PSMC5: variants seen among roughly 807,000 people sequenced by gnomAD.
PSMC5 encodes proteasome 26S subunit, ATPase 5, also known as 26S proteasome regulatory subunit 8.
PSMC5 carries 11 observed loss-of-function variants against 49.1 expected under a neutral mutation model. The observed-to-expected ratio is 0.22, with a 90% CI of 0.14 to 0.37. PSMC5 has a LOEUF of 0.37. PSMC5 is among the 10% of genes least tolerant of loss of function. PSMC5 has a pLI of 1.00. For synonymous variants in PSMC5, 206 were observed against 192.2 expected (o/e 1.07, Z -0.59); for missense variants, 229 against 520.9 (o/e 0.44, Z 5.45).
rs769692807 is a variant in PSMC5, at chr17:63,831,018, A to T, written c.680-18A>T. 2.2e-5 allele frequency: 35 copies of T among 1,592,026 alleles called. No individual in the cohort carries two copies. Among genetic ancestry groups the T allele is most frequent in the Non-Finnish European group, 2.8e-5 (33 of 1,167,252 alleles). On this transcript the variant is annotated intron_variant, in intron 7 of 11. Transcript: ENST00000310144. This position sits in a 1 kb window ranked among gnomAD's most constrained non-coding sequence, Gnocchi z 6.3. ...ATAAGCTAATAAGCTCCCTAACACCAGCTCGGCCTCCACACAGGGGCAAGA... is the reference window on the plus strand; with the variant it reads ...ATAAGCTAATAAGCTCCCTAACACCTGCTCGGCCTCCACACAGGGGCAAGA...
intron 3 of PSMC5, 82 bp downstream of exon 3, chr17:63,829,645 C>A: frequency 7.2e-7 from 1 of 1,398,362 alleles, no homozygotes; most frequent in South Asian, 1.2e-5. Flanking sequence ...GTCTTCACAG[C>A]AGTGCTTACT....
chr17:63,828,350 G>C (rs1194930162), intron 2 of PSMC5, 141 bp downstream of exon 2: 1 of 767,784 alleles, frequency 1.3e-6, no homozygotes, highest in Non-Finnish European at 2.1e-6. Flanking sequence ...TAGCTAGTAG[G>C]GTGTATGTAT....
At position 63,828,149 on chromosome 17, in the gene PSMC5, G is replaced by A. The variant is rs367952890; in HGVS notation, c.36G>A (p.Glu12=). Reference sequence around the variant, plus strand: ...CTCTGTGTCTTCAGATGGAGCTGGAGGAGGGGAAGGCAGGCAGCGGACTCC... The same window carrying A: ...CTCTGTGTCTTCAGATGGAGCTGGAAGAGGGGAAGGCAGGCAGCGGACTCC... ...ALDGPEQMEL[E]EGKAGSGLRQ... Residue 12 remains glutamate (E), a synonymous_variant, in exon 2 of 12, where the codon GAG becomes GAA. Transcript: ENST00000310144. 42 of 1,614,072 alleles carry A rather than the reference G, an allele frequency of 2.6e-5. No homozygotes were observed. The highest frequency in any genetic ancestry group is 3.4e-5 in the Non-Finnish European group (40 of 1,180,036).
intron 1 of PSMC5, chr17:63,827,842 G>A: frequency 7.0e-7 from 1 of 1,430,584 alleles, no homozygotes; most frequent in South Asian, 1.5e-5. Flanking sequence ...TGACACCTCG[G>A]GCTTGTAGAG....
Position 63,829,480 on chromosome 17 carries a change from CTT to C in PSMC5, c.97-13_97-12del, listed in dbSNP as rs1567756984. 5.2e-6 allele frequency: 8 copies of C among 1,552,270 alleles called. No individual in the cohort carries two copies. The highest frequency in any genetic ancestry group is 1.2e-5 in the South Asian group (1 of 84,106). On this transcript the variant is annotated splice_polypyrimidine_tract_variant and intron_variant, in intron 2 of 11. Coordinates refer to ENST00000310144, the MANE Select transcript of PSMC5 (RefSeq NM_002805.6). Reference sequence around the variant, plus strand: ...TGCCCTTGAATAATGGAATTTGTCTCTTGTCTGCCACAGCTGATTGTGAATGA... The same window carrying C: ...TGCCCTTGAATAATGGAATTTGTCTCGTCTGCCACAGCTGATTGTGAATGA...
rs767674770 is a variant in PSMC5 at position 63,829,478 on chromosome 17, C to T, written c.97-16C>T. 4.5e-6 allele frequency: 7 copies of T among 1,552,182 alleles called. No homozygotes were observed. The highest frequency in any genetic ancestry group is 1.2e-5 in the South Asian group (1 of 84,062). On this transcript the variant is annotated splice_polypyrimidine_tract_variant and intron_variant, in intron 2 of 11. Coordinates refer to ENST00000310144, the MANE Select transcript of PSMC5 (RefSeq NM_002805.6). ...CCTGCCCTTGAATAATGGAATTTGT[C>T]TCTTGTCTGCCACAGCTGATTGTGA...
rs114170398 is a variant in PSMC5 at position 63,831,687 on chromosome 17, C to G, written c.1081-37C>G. On this transcript the variant is annotated intron_variant, in intron 10 of 11. Coordinates refer to ENST00000310144, the MANE Select transcript of PSMC5 (RefSeq NM_002805.6). The surrounding 1 kb of genome is among the most constrained non-coding windows in gnomAD (Gnocchi z 6.3). ...GGGCTCAAGGGCCACAGATGAGGGG[C>G]ACAGCAGTGGGGCCTCAATTTCCTT... is the stretch of plus-strand genomic sequence containing the variant. 1.4e-3 allele frequency: 2,328 copies of G among 1,613,510 alleles called. 37 individuals carry two copies. The African/African-American group carries it at 0.028, about 19-fold the overall frequency.
Position 63,830,178 on chromosome 17 carries a change from G to C in PSMC5, c.310G>C (p.Asp104His), listed in dbSNP as rs1199352033. Residue 104 changes from aspartate to histidine, a missense_variant, in exon 5 of 12, where the codon GAC becomes CAC. Coordinates refer to ENST00000310144, the MANE Select transcript of PSMC5 (RefSeq NM_002805.6). This position sits in a 1 kb window ranked among gnomAD's most constrained non-coding sequence, Gnocchi z 4.0. ...KFVVDVDKNIDINDVTPNCRV... is the reference protein window; with the variant it reads ...KFVVDVDKNIHINDVTPNCRV... ...TGTTGTAGACGTGGACAAAAACATT[G>C]ACATCAATGATGTGAGTGTAGCAGG... 6.2e-7 allele frequency: 1 copy of C among 1,614,000 alleles called. No homozygotes were observed.
chr17:63,828,756 G>A (rs1215905026), intron 2 of PSMC5: 1 of 155,924 alleles, frequency 6.4e-6, no homozygotes, highest in East Asian at 1.9e-4. Context: ...CAGCAGTAAG[G>A]TATGGCTTCC....
rs764598342 is a variant in PSMC5 at position 63,831,888 on chromosome 17, T to TA, written c.1168-26dup. On this transcript the variant is annotated intron_variant, in intron 11 of 11. Coordinates refer to ENST00000310144, the MANE Select transcript of PSMC5 (RefSeq NM_002805.6). This position sits in a 1 kb window ranked among gnomAD's most constrained non-coding sequence, Gnocchi z 6.3. ...CTAGGGCATGTGTGTGTTCGTAACT[T>TA]AATGTTCATTCTCTCTCCCACCCCT... 3 of 1,613,380 alleles carry TA rather than the reference T, an allele frequency of 1.9e-6. No individual in the cohort carries two copies. Among genetic ancestry groups the TA allele is most frequent in the African/African-American group, 2.7e-5 (2 of 74,878 alleles).
chr17:63,831,477 G>A lies in PSMC5; in HGVS notation c.970-29G>A. 1 of 1,613,020 alleles carries A rather than the reference G, an allele frequency of 6.2e-7. No homozygotes were observed. The highest frequency in any genetic ancestry group is 8.5e-7 in the Non-Finnish European group (1 of 1,179,114). On this transcript the variant is annotated intron_variant, in intron 9 of 11. Coordinates refer to ENST00000310144, the MANE Select transcript of PSMC5 (RefSeq NM_002805.6). The surrounding 1 kb of genome is among the most constrained non-coding windows in gnomAD (Gnocchi z 6.3). ...GCTCTGGCTGTGGGGGTGGGGTGTGGGGCTCAGGCTTTTCCTTGCCATCTC... is the reference window on the plus strand; with the variant it reads ...GCTCTGGCTGTGGGGGTGGGGTGTGAGGCTCAGGCTTTTCCTTGCCATCTC...
At position 63,827,471 on chromosome 17, in the gene PSMC5, G is replaced by A; in HGVS notation, c.-20G>A. The A allele has an allele frequency of 6.4e-7, 1 of 1,551,752 alleles. No homozygotes were observed. The highest frequency in any genetic ancestry group is 8.7e-7 in the Non-Finnish European group (1 of 1,147,008). On this transcript the variant is annotated 5_prime_UTR_variant, in exon 1 of 12. Transcript: ENST00000310144. ...CGCCAAGACGGCTCGGATGCCGGCG[G>A]TCTCTGCTGAAGAGAGAAGATGGCG...
chr17:63,827,708 AGGAAGACGC>A (rs2040127158), intron 1 of PSMC5, 194 bp downstream of exon 1: 1 of 1,440,994 alleles, frequency 6.9e-7, no homozygotes, highest in Admixed American at 2.8e-5. Context: ...AGGCTGGGAG[AGGAAGACGC>A]GGTAGAAGCG....
intron 4 of PSMC5, 47 bp downstream of exon 4, chr17:63,829,996 C>T: frequency 2.5e-6 from 4 of 1,575,234 alleles, no homozygotes; most frequent in Non-Finnish European, 3.5e-6. Context: ...CCACTGCATT[C>T]CCACCCCTTT....
chr17:63,830,109 G>T lies in PSMC5; in HGVS notation c.265-24G>T. The T allele has an allele frequency of 1.2e-6, 2 of 1,610,090 alleles. No homozygotes were observed. The highest frequency in any genetic ancestry group is 4.5e-5 in the East Asian group (2 of 44,876). On this transcript the variant is annotated intron_variant, in intron 4 of 11. Transcript: ENST00000310144. The surrounding 1 kb of genome is among the most constrained non-coding windows in gnomAD (Gnocchi z 4.0). ...TAGTGATTTGGTGGCTGTCAAGGAA[G>T]GTCATGAGCCCTTGTTTCTTTAGGT...
Position 63,827,487 on chromosome 17 carries a change from G to A in PSMC5, c.-4G>A. 3 of 1,551,758 alleles carry A rather than the reference G, an allele frequency of 1.9e-6. No homozygotes were observed. The highest frequency in any genetic ancestry group is 2.7e-5 in the African/African-American group (2 of 73,200). On this transcript the variant is annotated 5_prime_UTR_variant, in exon 1 of 12. Transcript: ENST00000310144. Reference sequence around the variant, plus strand: ...ATGCCGGCGGTCTCTGCTGAAGAGAGAAGATGGCGCTTGACGGACCAGAGC... The same window carrying A: ...ATGCCGGCGGTCTCTGCTGAAGAGAAAAGATGGCGCTTGACGGACCAGAGC...
chr17:63,828,454 T>C (rs962860042), intron 2 of PSMC5: 2 of 384,528 alleles, frequency 5.2e-6, no homozygotes, highest in Admixed American at 8.4e-5. Context: ...CAAATCTTAA[T>C]AGTAAAGGTA....
At position 63,827,569 on chromosome 17, in the gene PSMC5, C is replaced by G. The variant is rs1245209407; in HGVS notation, c.24+55C>G. 3.2e-6 allele frequency: 5 copies of G among 1,550,956 alleles called. No individual in the cohort carries two copies. In the Admixed American group the frequency reaches 9.8e-5, roughly 30 times the overall value. ...GTTACGGGGCTGGGTGCGGAGCGAG[C>G]GTGATCTGAGTGGAGAGCGGGCCGG... is the stretch of plus-strand genomic sequence containing the variant. On this transcript the variant is annotated intron_variant, in intron 1 of 11. Transcript: ENST00000310144.
In PSMC5 at chr17:63,831,878, G is replaced by A. The variant is rs1377803110; in HGVS notation, c.1168-38G>A. On this transcript the variant is annotated intron_variant, in intron 11 of 11. Transcript: ENST00000310144. The surrounding 1 kb of genome is among the most constrained non-coding windows in gnomAD (Gnocchi z 6.3). ...GGGCAGTGGGCTAGGGCATGTGTGTGTTCGTAACTTAATGTTCATTCTCTC... is the reference window on the plus strand; with the variant it reads ...GGGCAGTGGGCTAGGGCATGTGTGTATTCGTAACTTAATGTTCATTCTCTC... 6.2e-7 allele frequency: 1 copy of A among 1,612,808 alleles called. No homozygotes were observed. Among genetic ancestry groups the A allele is most frequent in the South Asian group, 1.1e-5 (1 of 91,054 alleles).
Sources: gnomAD v4.1 joint callset for allele counts on GRCh38, gnomAD v4.1.1 for gene constraint, Gnocchi (gnomAD v3.1) non-coding constraint, MANE v1.5 for transcripts, NCBI Gene and HGNC (gene_info 2026-07-23, HGNC 2026-07-21) for gene names.